Variants in PARVB observed in about 807,000 individuals in gnomAD.
The protein encoded by PARVB is beta-parvin.
Under a neutral mutation model 47.0 loss-of-function variants are expected in PARVB, and 46 were observed. The ratio of observed to expected loss-of-function variants is 0.98; its 90% CI spans 0.77 to 1.25. PARVB has a LOEUF of 1.25. Among genes scored for constraint, PARVB ranks in the 50% most tolerant of loss-of-function variants. The pLI is 0.00. For missense variants in PARVB, 473 were observed against 471.6 expected (o/e 1.00, Z -0.03); for synonymous variants, 196 against 196.3 (o/e 1.00, Z 0.01).
At chr22:44,128,592 A>G (rs2053242889) in intron 4 of PARVB, among the ~76,000 whole-genome samples, 2 of 152,278 alleles carry the variant, frequency 1.3e-5, no homozygotes, top group South Asian at 4.1e-4. Flanking sequence ...CACCAAATTC[A>G]TATTTTCAAG....
chr22:44,009,897 T>G (rs577882550), intron 2 of PARVB, among the ~76,000 whole-genome samples: 1 of 150,694 alleles, frequency 6.6e-6, no homozygotes, highest in East Asian at 2.0e-4. Flanking sequence ...AACCTCTGCC[T>G]CCTGGGTTCA....
At chr22:44,141,050 A>C (rs957876767) in intron 8 of PARVB, 1 of 158,314 alleles carries the variant, frequency 6.3e-6, no homozygotes, top group African/African-American at 2.4e-5. Context: ...TGGAAACCAG[A>C]TAGAAGTCTC....
intron 1 of PARVB, among the ~76,000 whole-genome samples, chr22:44,080,201 A>G (rs1026100704): frequency 2.0e-5 from 3 of 152,210 alleles, no homozygotes; most frequent in African/African-American, 7.2e-5. Flanking sequence ...AATTACGTGG[A>G]GTTGCTGGGG....
intron 8 of PARVB, chr22:44,147,319 C>T (rs2053706567): frequency 4.3e-6 from 1 of 233,956 alleles, no homozygotes; most frequent in Non-Finnish European, 8.7e-6. Flanking sequence ...AGGGGGGAAA[C>T]AAATGATCCT....
At chr22:44,095,750 T>C (rs993287041) in intron 2 of PARVB, among the ~76,000 whole-genome samples, 1 of 152,166 alleles carries the variant, frequency 6.6e-6, no homozygotes, top group African/African-American at 2.4e-5. Context: ...AAACCCTGGT[T>C]CGAAGGGAAG....
chr22:44,013,920 A>G (rs2050550803), intron 2 of PARVB, among the ~76,000 whole-genome samples: 1 of 152,184 alleles, frequency 6.6e-6, no homozygotes, highest in Admixed American at 6.5e-5. Context: ...GGTGTAAGCC[A>G]CCATGCCTGG....
At chr22:44,066,518 T>C (rs1484422841) in intron 1 of PARVB, among the ~76,000 whole-genome samples, 2 of 152,208 alleles carry the variant, frequency 1.3e-5, no homozygotes, top group Non-Finnish European at 2.9e-5. Context: ...CCCACTTTGA[T>C]AGCTTGAAGG....
chr22:44,039,872 TG>T (rs1248717973), intron 1 of PARVB: 4 of 455,760 alleles, frequency 8.8e-6, no homozygotes. Flanking sequence ...TGAAGTGCAG[TG>T]GTGCAGTCAT....
At chr22:44,158,378 C>A (rs998623237) in intron 11 of PARVB, among the ~76,000 whole-genome samples, 1 of 152,184 alleles carries the variant, frequency 6.6e-6, no homozygotes, top group Non-Finnish European at 1.5e-5. Context: ...ACCCTTCCCC[C>A]ATTCTGCTGC....
In PARVB at chr22:44,059,591, C is replaced by T. The variant is rs115012060; in HGVS notation, c.113-34337C>T. On this transcript the variant is annotated intron_variant, in intron 1 of 12. Coordinates refer to ENST00000338758, the MANE Select transcript of PARVB (RefSeq NM_013327.5). The stretch of plus-strand genomic sequence containing the variant: ...CATAAATGCTACTCTCCATCAGCCT[C>T]GAGAAGTAGAAGGCACCGGTATGGT... Among the ~76,000 whole-genome samples, 463 of 152,250 alleles carry T rather than the reference C, an allele frequency of 3.0e-3. 2 individuals carry two copies. The highest frequency in any genetic ancestry group is 0.01 in the African/African-American group (428 of 41,538).
chr22:44,127,490 G>A (rs1362348016), intron 4 of PARVB, among the ~76,000 whole-genome samples: 2 of 152,176 alleles, frequency 1.3e-5, no homozygotes, highest in East Asian at 1.9e-4. Context: ...AAAGGCAGAA[G>A]CCCAAACCAA....
rs544699750 is a variant in PARVB, at chr22:44,132,440, T to C, written c.518-454T>C. The stretch of plus-strand genomic sequence containing the variant: ...CTCAGGCAAGGCAGGGGCTAATGTC[T>C]AATGTCCCCAGAGTGGCCTCTGCTC... On this transcript the variant is annotated intron_variant, in intron 5 of 12. Transcript: ENST00000338758. 9.3e-4 allele frequency among the ~76,000 whole-genome samples: 141 copies of C among 152,316 alleles called. 2 individuals carry two copies. The highest frequency in any genetic ancestry group is 1.3e-3 in the Non-Finnish European group (87 of 68,038).
chr22:44,043,320 T>A (rs2051052582), intron 1 of PARVB, among the ~76,000 whole-genome samples: 1 of 152,164 alleles, frequency 6.6e-6, no homozygotes, highest in African/African-American at 2.4e-5. Context: ...TTGACAATGG[T>A]GATGGTTACA....
chr22:44,057,343 T>A (rs536432788), intron 1 of PARVB, among the ~76,000 whole-genome samples: 2 of 152,210 alleles, frequency 1.3e-5, no homozygotes, highest in Non-Finnish European at 2.9e-5. Flanking sequence ...GATTATTTGG[T>A]TCTAGAACTA....
intron 2 of PARVB, among the ~76,000 whole-genome samples, chr22:44,016,114 T>TTG: frequency 6.7e-6 from 1 of 149,886 alleles, no homozygotes; most frequent in South Asian, 2.1e-4. Context: ...TTTTTTTTTT[T>TTG]GAGATGGAGT....
At chr22:44,157,387 C>T (rs1005217281) in intron 10 of PARVB, among the ~76,000 whole-genome samples, 12 of 152,206 alleles carry the variant, frequency 7.9e-5, no homozygotes, top group African/African-American at 2.7e-4. Context: ...TCCAGAGGCA[C>T]GGTCCTAGCC....
At chr22:44,034,105 AT>A (rs891672493) in intron 1 of PARVB, among the ~76,000 whole-genome samples, 1 of 151,026 alleles carries the variant, frequency 6.6e-6, no homozygotes, top group African/African-American at 2.4e-5. Flanking sequence ...ACAAATAAAA[AT>A]ATATAAAGAA....
intron 2 of PARVB, among the ~76,000 whole-genome samples, chr22:44,012,998 G>C (rs934775649): frequency 6.6e-5 from 10 of 152,060 alleles, no homozygotes; most frequent in African/African-American, 2.4e-4. Flanking sequence ...CCGGGTTCAG[G>C]CGATTCTCGT....
intron 1 of PARVB, among the ~76,000 whole-genome samples, chr22:44,067,442 A>C (rs1003846193): frequency 6.6e-6 from 1 of 152,186 alleles, no homozygotes; most frequent in Non-Finnish European, 1.5e-5. Flanking sequence ...GGGGCTGACC[A>C]CCAGCCCCAG....
Sources: gnomAD v4.1 joint callset for allele counts (sites outside exome capture counted in the v4.1 genomes callset) on GRCh38, gnomAD v4.1.1 for gene constraint, MANE v1.5 for transcripts, NCBI Gene and HGNC (gene_info 2026-07-23, HGNC 2026-07-21) for gene names.